The following SOX5 variants were observed in gnomAD, a reference collection of about 807,000 sequenced individuals.
The protein encoded by SOX5 is transcription factor SOX-5.
A neutral mutation model predicts 92.0 loss-of-function variants in SOX5; 9 were observed. The ratio of observed to expected loss-of-function variants is 0.10; its 90% CI spans 0.06 to 0.17. The LOEUF (loss-of-function observed/expected upper bound fraction) is 0.17. SOX5 is among the 10% of genes least tolerant of loss of function. The probability of loss-of-function intolerance (pLI) is 1.00; values close to 1 mark genes in which losing one functional copy is unlikely to be tolerated. For synonymous variants in SOX5, 344 were observed against 336.3 expected (o/e 1.02, Z -0.25); for missense variants, 642 against 944.5 (o/e 0.68, Z 4.20).
intron 9 of SOX5, among the ~76,000 whole-genome samples, chr12:23,581,789 G>A (rs1394492194): frequency 6.6e-6 from 1 of 151,922 alleles, no homozygotes; most frequent in Non-Finnish European, 1.5e-5. Context: ...GGAAGTGTGT[G>A]TGTGTTTTTA....
intron 1 of SOX5, among the ~76,000 whole-genome samples, chr12:24,376,729 T>TTTC (rs1957316691): frequency 2.2e-5 from 1 of 46,500 alleles, no homozygotes; most frequent in Non-Finnish European, 4.4e-5. Context: ...TTTTTTTTTT[T>TTTC]ACAGAGTCTC....
chr12:23,789,676 A>G (rs561488514), intron 3 of SOX5, among the ~76,000 whole-genome samples: 1 of 152,176 alleles, frequency 6.6e-6, no homozygotes, highest in South Asian at 2.1e-4. Flanking sequence ...CTAGGAAAGA[A>G]AATCATATTT....
At chr12:24,557,343 TG>T (rs1566464916) in intron 1 of SOX5, among the ~76,000 whole-genome samples, 1 of 146,908 alleles carries the variant, frequency 6.8e-6, no homozygotes, top group Non-Finnish European at 1.5e-5. Flanking sequence ...TCCCTCCGCC[TG>T]TGGACCAACA....
chr12:23,781,347 T>A (rs762506041), intron 3 of SOX5, among the ~76,000 whole-genome samples: 1 of 151,928 alleles, frequency 6.6e-6, no homozygotes, highest in Non-Finnish European at 1.5e-5. Flanking sequence ...CTATGTGTTA[T>A]GATACTGCTA....
intron 4 of SOX5, among the ~76,000 whole-genome samples, chr12:24,153,093 A>G (rs996296573): frequency 3.3e-5 from 5 of 152,130 alleles, no homozygotes; most frequent in African/African-American, 9.7e-5. Flanking sequence ...TGCTTGCTCC[A>G]AGCAGCAGGC....
intron 11 of SOX5, among the ~76,000 whole-genome samples, chr12:23,554,420 C>A (rs752301369): frequency 2.0e-4 from 30 of 152,120 alleles, no homozygotes; most frequent in Admixed American, 5.2e-4. Flanking sequence ...GCGAATTGAA[C>A]AGGAACTGCG....
chr12:24,310,674 G>T lies in SOX5; in HGVS notation c.-173-33362C>A, dbSNP rs79313561. Reference sequence around the variant, plus strand: ...ATAATTACTGGCAGAAAAAGTGGGTGCAGAGAAATGGTGACGTGATAGAGA... The same window carrying T: ...ATAATTACTGGCAGAAAAAGTGGGTTCAGAGAAATGGTGACGTGATAGAGA... On this transcript the variant is annotated intron_variant, in intron 2 of 4. Coordinates refer to the SOX5 transcript ENST00000446891. Among the ~76,000 whole-genome samples, 231 of 152,290 alleles carry T rather than the reference G, an allele frequency of 1.5e-3. 2 individuals carry two copies. Among genetic ancestry groups the T allele is most frequent in the African/African-American group, 5.2e-3 (217 of 41,562 alleles).
At chr12:23,884,263 G>A (rs1346557001) in intron 2 of SOX5, among the ~76,000 whole-genome samples, 1 of 152,134 alleles carries the variant, frequency 6.6e-6, no homozygotes, top group Admixed American at 6.5e-5. Flanking sequence ...TTTGCCAAAT[G>A]CCATACAGAT....
chr12:24,068,359 T>C (rs1418133514), intron 4 of SOX5, among the ~76,000 whole-genome samples: 13 of 152,212 alleles, frequency 8.5e-5, no homozygotes, highest in East Asian at 7.7e-4. Flanking sequence ...CTGAAACCTT[T>C]GGTTTTAATA....
In SOX5 at chr12:24,429,221, G is replaced by T. The variant is rs780698220; in HGVS notation, c.-250-60582C>A. On this transcript the variant is annotated intron_variant, in intron 1 of 4. Coordinates refer to the SOX5 transcript ENST00000446891. ...AGTCCCAGCTACTCTGGAGGCTGAG[G>T]CAGGAGAATGGCGTGAACCTGGGAG... 1.3e-3 allele frequency among the ~76,000 whole-genome samples: 198 copies of T among 152,200 alleles called. 1 individual carries two copies. The highest frequency in any genetic ancestry group is 2.4e-3 in the Non-Finnish European group (165 of 68,000).
At chr12:24,528,642 G>A (rs1382868197) in intron 1 of SOX5, among the ~76,000 whole-genome samples, 2 of 152,202 alleles carry the variant, frequency 1.3e-5, no homozygotes, top group Non-Finnish European at 2.9e-5. Context: ...CCCATATTGC[G>A]AGAGCGCAGA....
At chr12:23,767,047 C>A (rs2094754104) in intron 3 of SOX5, among the ~76,000 whole-genome samples, 1 of 151,986 alleles carries the variant, frequency 6.6e-6, no homozygotes, top group Non-Finnish European at 1.5e-5. Flanking sequence ...TTGTCTCTAT[C>A]ACAATCAAAA....
chr12:24,229,856 GTCTT>G (rs1437112648), intron 3 of SOX5, among the ~76,000 whole-genome samples: 2 of 152,120 alleles, frequency 1.3e-5, no homozygotes, highest in African/African-American at 2.4e-5. Flanking sequence ...TGATAATATT[GTCTT>G]TCTTTTTCAT....
chr12:24,446,171 T>G (rs1162950422), intron 1 of SOX5, among the ~76,000 whole-genome samples: 2 of 152,148 alleles, frequency 1.3e-5, no homozygotes, highest in African/African-American at 4.8e-5. Flanking sequence ...ATTCTAATGG[T>G]GAGAGCAGGC....
intron 11 of SOX5, among the ~76,000 whole-genome samples, chr12:23,549,599 G>T (rs750658171): frequency 1.3e-5 from 2 of 151,802 alleles, no homozygotes; most frequent in African/African-American, 2.4e-5. Context: ...TTCTAAATGC[G>T]CTGAATGATG....
At chr12:24,389,673 T>C (rs1451563838) in intron 1 of SOX5, among the ~76,000 whole-genome samples, 1 of 152,252 alleles carries the variant, frequency 6.6e-6, no homozygotes, top group East Asian at 1.9e-4. Flanking sequence ...TGAATAATTC[T>C]GCTATGAACA....
intron 2 of SOX5, among the ~76,000 whole-genome samples, chr12:23,846,993 C>A (rs936252461): frequency 1.3e-5 from 2 of 151,996 alleles, no homozygotes; most frequent in African/African-American, 4.8e-5. Context: ...ATGTAAATAT[C>A]TTTTTATAGT....
intron 11 of SOX5, among the ~76,000 whole-genome samples, chr12:23,554,909 G>T (rs1424074077): frequency 6.6e-6 from 1 of 152,038 alleles, no homozygotes; most frequent in East Asian, 1.9e-4. Context: ...TGTCTTCATT[G>T]TAAGTAAGTG....
At chr12:24,458,341 T>C (rs75025621) in intron 1 of SOX5, among the ~76,000 whole-genome samples, 2,188 of 152,290 alleles carry the variant, frequency 0.014, 23 homozygotes, top group Middle Eastern at 0.031. Context: ...TCCAGAATGA[T>C]TGCAAAAATT....
Sources: gnomAD v4.1 joint callset for allele counts (sites outside exome capture counted in the v4.1 genomes callset) on GRCh38, gnomAD v4.1.1 for gene constraint, MANE v1.5 for transcripts, NCBI Gene and HGNC (gene_info 2026-07-23, HGNC 2026-07-21) for gene names.